The following TEC variants were observed in gnomAD, a reference collection of about 807,000 sequenced individuals.
TEC encodes the protein tyrosine-protein kinase Tec.
TEC carries 72 observed loss-of-function variants against 93.0 expected under a neutral mutation model. That is an observed-to-expected ratio of 0.77 (90% confidence interval 0.64 to 0.94). The LOEUF (loss-of-function observed/expected upper bound fraction) is 0.94, where lower values mean the gene tolerates loss of function less well. TEC is among the 40% of genes least tolerant of loss of function. The probability of loss-of-function intolerance (pLI) is 0.00; values close to 1 mark genes in which losing one functional copy is unlikely to be tolerated. For missense variants in TEC, 630 were observed against 757.9 expected (o/e 0.83, Z 1.98); for synonymous variants, 249 against 247.7 (o/e 1.01, Z -0.05).
At chr4:48,262,929 A>G (rs1396924665) in intron 1 of TEC, among the ~76,000 whole-genome samples, 1 of 152,218 alleles carries the variant, frequency 6.6e-6, no homozygotes, top group Non-Finnish European at 1.5e-5. Context: ...CTTTTTCTGC[A>G]CAGATAAGAT....
intron 2 of TEC, among the ~76,000 whole-genome samples, chr4:48,216,363 T>C (rs1723080667): frequency 3.9e-5 from 6 of 152,208 alleles, no homozygotes; most frequent in Admixed American, 3.9e-4. Context: ...CATCCCTATC[T>C]TCAAAATAAA....
intron 2 of TEC, among the ~76,000 whole-genome samples, chr4:48,227,591 C>T (rs78708217): frequency 0.018 from 2,635 of 145,016 alleles, 74 homozygotes; most frequent in African/African-American, 0.062. Flanking sequence ...TACTGTGAGC[C>T]GAGATCGCAT....
Position 48,244,394 on chromosome 4 carries a change from C to T in TEC, c.-45-15735G>A, listed in dbSNP as rs1361350454. Among the ~76,000 whole-genome samples the T allele has an allele frequency of 5.3e-5, 8 of 152,268 alleles. No homozygotes were observed. The South Asian group carries it at 8.3e-4, about 16-fold the overall frequency. On this transcript the variant is annotated intron_variant, in intron 1 of 17. Coordinates refer to ENST00000381501, the MANE Select transcript of TEC (RefSeq NM_003215.3). The stretch of plus-strand genomic sequence containing the variant: ...GCAAGTCACATCTTAACGTGGATGG[C>T]GGCAGGCAAAGAGAGGAGCACTTGT...
At chr4:48,232,404 C>T (rs2109644874) in intron 1 of TEC, among the ~76,000 whole-genome samples, 1 of 152,280 alleles carries the variant, frequency 6.6e-6, no homozygotes, top group Non-Finnish European at 1.5e-5. Context: ...CACCATCTAT[C>T]TCCCTCAAGA....
chr4:48,235,312 C>T (rs983170597), intron 1 of TEC, among the ~76,000 whole-genome samples: 3 of 152,092 alleles, frequency 2.0e-5, no homozygotes, highest in African/African-American at 4.8e-5. Flanking sequence ...GGGCCTAGTA[C>T]AGGAGCTCAG....
chr4:48,220,154 AATAC>A (rs1723214622), intron 2 of TEC, among the ~76,000 whole-genome samples: 2 of 150,000 alleles, frequency 1.3e-5, no homozygotes, highest in African/African-American at 4.9e-5. Context: ...TAAATTCCTA[AATAC>A]ATTTAGGATT....
intron 2 of TEC, among the ~76,000 whole-genome samples, chr4:48,194,458 T>C (rs1052900818): frequency 2.0e-5 from 3 of 152,244 alleles, no homozygotes; most frequent in African/African-American, 7.2e-5. Flanking sequence ...AGAGATCACA[T>C]TGCAGTTTGT....
intron 3 of TEC, 145 bp downstream of exon 3, chr4:48,175,937 A>G (rs7696271): frequency 0.39 from 242,188 of 614,068 alleles, 54,254 homozygotes; most frequent in East Asian, 0.89. Flanking sequence ...AAAGACTTAA[A>G]CAGTTCATGA....
intron 16 of TEC, 29 bp downstream of exon 16, chr4:48,138,875 G>T (rs201694271): frequency 5.4e-5 from 87 of 1,613,178 alleles, no homozygotes; most frequent in Non-Finnish European, 7.3e-5. Flanking sequence ...TCCTCAGGGC[G>T]GACGGACATG....
intron 2 of TEC, among the ~76,000 whole-genome samples, chr4:48,183,661 G>A (rs1721684669): frequency 1.3e-5 from 2 of 152,304 alleles, no homozygotes; most frequent in South Asian, 4.2e-4. Flanking sequence ...CAGGCCTTTG[G>A]ACTTGGTCTG....
chr4:48,179,620 C>T (rs1269546576), intron 2 of TEC, among the ~76,000 whole-genome samples: 1 of 151,518 alleles, frequency 6.6e-6, no homozygotes, highest in Non-Finnish European at 1.5e-5. Context: ...AACTCCTGAC[C>T]TCAGGTAATC....
chr4:48,222,641 C>G (rs1041821256), intron 2 of TEC, among the ~76,000 whole-genome samples: 15 of 152,018 alleles, frequency 9.9e-5, no homozygotes, highest in African/African-American at 4.8e-5. Flanking sequence ...CTGAATAGAA[C>G]AAAAGGTAAG....
intron 11 of TEC, among the ~76,000 whole-genome samples, chr4:48,148,108 T>A (rs988502840): frequency 9.9e-5 from 15 of 152,052 alleles, no homozygotes; most frequent in Non-Finnish European, 2.9e-5. Context: ...GGGATGACAA[T>A]TATTTGACAC....
In TEC at chr4:48,219,616, C is replaced by T. The variant is rs539418285; in HGVS notation, c.138+8861G>A. 5.3e-5 allele frequency among the ~76,000 whole-genome samples: 8 copies of T among 152,278 alleles called. 1 individual carries two copies. The highest frequency in any genetic ancestry group is 1.9e-4 in the African/African-American group (8 of 41,550). Reference sequence around the variant, plus strand: ...ATGCTGACGTGTGCAGAGAAGAAAACGCTGACGTATGCTGCCTTCTCTCTC... The same window carrying T: ...ATGCTGACGTGTGCAGAGAAGAAAATGCTGACGTATGCTGCCTTCTCTCTC... On this transcript the variant is annotated intron_variant, in intron 2 of 17. Transcript: ENST00000381501.
rs754477889 is a variant in TEC, at chr4:48,228,632, T to A, written c.-18A>T. On this transcript the variant is annotated 5_prime_UTR_variant, in exon 2 of 18. Coordinates refer to ENST00000381501, the MANE Select transcript of TEC (RefSeq NM_003215.3). ...AAATTCATCTCCGTCTTCTGATTAC[T>A]CCTCCTGCCACTGAAGATCCCAGTA... The A allele has an allele frequency of 6.2e-7, 1 of 1,607,090 alleles. No individual in the cohort carries two copies.
intron 9 of TEC, 75 bp downstream of exon 9, chr4:48,156,605 T>C: frequency 1.6e-6 from 2 of 1,284,842 alleles, no homozygotes; most frequent in Admixed American, 2.2e-5. Context: ...GAAAGAGAGA[T>C]ATGTGGAACT....
intron 7 of TEC, among the ~76,000 whole-genome samples, chr4:48,164,674 T>C (rs1328423213): frequency 6.6e-6 from 1 of 152,088 alleles, no homozygotes; most frequent in Non-Finnish European, 1.5e-5. Context: ...TAAATACCAT[T>C]TGTGACTAAA....
chr4:48,261,255 T>A (rs961353540), intron 1 of TEC, among the ~76,000 whole-genome samples: 1 of 152,216 alleles, frequency 6.6e-6, no homozygotes, highest in African/African-American at 2.4e-5. Context: ...AATTTACATG[T>A]CTGACAGCAT....
intron 11 of TEC, 38 bp downstream of exon 11, chr4:48,149,519 T>C: frequency 6.5e-7 from 1 of 1,546,830 alleles, no homozygotes; most frequent in African/African-American, 1.4e-5. Flanking sequence ...TTTTAATCAC[T>C]ACCTTATATT....
Sources: gnomAD v4.1 joint callset for allele counts (sites outside exome capture counted in the v4.1 genomes callset) on GRCh38, gnomAD v4.1.1 for gene constraint, MANE v1.5 for transcripts, NCBI Gene and HGNC (gene_info 2026-07-23, HGNC 2026-07-21) for gene names.